The following DLG1 variants were observed in gnomAD, a reference collection of about 807,000 sequenced individuals.
DLG1 encodes disks large homolog 1.
DLG1 carries 42 observed loss-of-function variants against 123.4 expected under a neutral mutation model. The ratio of observed to expected loss-of-function variants is 0.34; its 90% CI spans 0.27 to 0.44. The LOEUF is 0.44. Among genes scored for constraint, DLG1 ranks in the 20% least tolerant of loss-of-function variants. DLG1 has a pLI of 1.00. For missense variants in DLG1, 942 were observed against 1,082.6 expected (o/e 0.87, Z 1.82); for synonymous variants, 317 against 356.2 (o/e 0.89, Z 1.24).
chr3:197,071,562 C>T (rs979354488), intron 18 of DLG1, among the ~76,000 whole-genome samples: 2 of 151,994 alleles, frequency 1.3e-5, no homozygotes, highest in Admixed American at 6.6e-5. Context: ...CTTAGAATAG[C>T]GTCATCATAA....
Position 197,044,358 on chromosome 3 carries a change from T to C in DLG1, c.*265A>G. The C allele has an allele frequency of 3.4e-6, 1 of 291,872 alleles. No individual in the cohort carries two copies. The allele number at this position is 291,872 out of a possible 1,614,324, so 18.1% of individuals were successfully genotyped here. On this transcript the variant is annotated 3_prime_UTR_variant, in exon 25 of 25. Transcript: ENST00000667157. The stretch of plus-strand genomic sequence containing the variant: ...AAACATTAAGGAATTTTACCACAAT[T>C]TCTGCGTCTCCCCACGTTCTTAATA...
intron 4 of DLG1, among the ~76,000 whole-genome samples, chr3:197,276,302 C>T (rs1424948108): frequency 6.6e-6 from 1 of 152,136 alleles, no homozygotes; most frequent in Non-Finnish European, 1.5e-5. Flanking sequence ...TGTACAAATA[C>T]CTTCAATAAT....
intron 8 of DLG1, among the ~76,000 whole-genome samples, chr3:197,138,680 T>C (rs2149629705): frequency 1.3e-5 from 2 of 152,324 alleles, no homozygotes; most frequent in Middle Eastern, 3.4e-3. Flanking sequence ...CCTGCATGCT[T>C]ATTCTGTGTA....
chr3:197,249,389 T>A (rs192411915), intron 4 of DLG1, among the ~76,000 whole-genome samples: 1 of 152,058 alleles, frequency 6.6e-6, no homozygotes. Flanking sequence ...AGTAATGAGA[T>A]TGAAGCCATA....
chr3:197,127,439 A>T (rs1579838447), intron 11 of DLG1, among the ~76,000 whole-genome samples: 1 of 40,232 alleles, frequency 2.5e-5, no homozygotes, highest in African/African-American at 1.1e-4. Context: ...AAAAAAAAAA[A>T]AAAAAAAAAA....
intron 4 of DLG1, among the ~76,000 whole-genome samples, chr3:197,252,968 TA>T (rs934321104): frequency 4.7e-4 from 72 of 152,286 alleles, no homozygotes; most frequent in African/African-American, 1.5e-3. Context: ...CAAAATGGAT[TA>T]TGAACTTAAT....
intron 3 of DLG1, among the ~76,000 whole-genome samples, chr3:197,287,150 G>A (rs941064392): frequency 3.3e-5 from 5 of 151,848 alleles, no homozygotes; most frequent in East Asian, 3.9e-4. Context: ...GATTACATGC[G>A]TTGAGCCACC....
chr3:197,131,584 C>CTTTTTTTTT (rs773487577), intron 10 of DLG1, among the ~76,000 whole-genome samples: 1 of 65,768 alleles, frequency 1.5e-5, no homozygotes, highest in African/African-American at 5.2e-5. Flanking sequence ...TTCTTCCTTT[C>CTTTTTTTTT]TTTTTTTTTT....
chr3:197,297,941 G>A (rs1778320508), intron 1 of DLG1: 2 of 982,874 alleles, frequency 2.0e-6, no homozygotes, highest in Middle Eastern at 5.2e-4. Flanking sequence ...AAGGGACGGG[G>A]GAGGAGCTCC....
At chr3:197,240,276 C>T (rs562905833) in intron 4 of DLG1, among the ~76,000 whole-genome samples, 1 of 152,192 alleles carries the variant, frequency 6.6e-6, no homozygotes, top group Non-Finnish European at 1.5e-5. Flanking sequence ...AGCATTCCCA[C>T]ACTACTGGGA....
At chr3:197,155,118 G>C (rs933023175) in intron 5 of DLG1, among the ~76,000 whole-genome samples, 5 of 152,088 alleles carry the variant, frequency 3.3e-5, no homozygotes, top group African/African-American at 1.2e-4. Context: ...CTCACACTGA[G>C]ACACATTATA....
chr3:197,177,860 C>T (rs1807956050), intron 5 of DLG1, among the ~76,000 whole-genome samples: 2 of 152,056 alleles, frequency 1.3e-5, no homozygotes, highest in Non-Finnish European at 2.9e-5. Context: ...AGTTAGAGAA[C>T]TATTACAATG....
intron 5 of DLG1, among the ~76,000 whole-genome samples, chr3:197,156,712 G>A (rs1394736769): frequency 6.6e-6 from 1 of 152,076 alleles, no homozygotes; most frequent in Admixed American, 6.5e-5. Flanking sequence ...GACAACAAAG[G>A]TATTATACAT....
chr3:197,154,615 C>T (rs1222334828), intron 5 of DLG1, among the ~76,000 whole-genome samples: 2 of 151,926 alleles, frequency 1.3e-5, no homozygotes, highest in Non-Finnish European at 2.9e-5. Flanking sequence ...GCGGAGCTTG[C>T]AGTCAGCCGA....
intron 5 of DLG1, among the ~76,000 whole-genome samples, chr3:197,155,639 CTT>C (rs920360277): frequency 7.3e-5 from 11 of 150,750 alleles, no homozygotes; most frequent in South Asian, 4.2e-4. Context: ...AAAAAAAAAA[CTT>C]AGCCTAGCCA....
At chr3:197,264,272 TACA>T (rs547634116) in intron 4 of DLG1, among the ~76,000 whole-genome samples, 142 of 152,324 alleles carry the variant, frequency 9.3e-4, no homozygotes, top group African/African-American at 3.3e-3. Context: ...CTTTCTGAAC[TACA>T]ACGTCACTTG....
chr3:197,140,322 C>G lies in DLG1; in HGVS notation c.589-58G>C. 6 of 1,569,632 alleles carry G rather than the reference C, an allele frequency of 3.8e-6. No homozygotes were observed. In the South Asian group the frequency reaches 7.0e-5, roughly 18 times the overall value. On this transcript the variant is annotated intron_variant, in intron 7 of 24. Transcript: ENST00000667157. ...TATGATTTATCTTTATGGACAGGTT[C>G]CTGTCATTAAAGGACGCAGAAACTG...
chr3:197,285,531 T>C (rs1771435938), intron 3 of DLG1, among the ~76,000 whole-genome samples: 1 of 151,946 alleles, frequency 6.6e-6, no homozygotes, highest in Admixed American at 6.6e-5. Context: ...AAAGGACTAA[T>C]ATTCAAGTGG....
intron 5 of DLG1, among the ~76,000 whole-genome samples, chr3:197,179,539 A>T (rs1175552045): frequency 6.6e-6 from 1 of 152,224 alleles, no homozygotes. Context: ...GCGCTATCCT[A>T]GGTGCAATAA....
Sources: gnomAD v4.1 joint callset for allele counts (sites outside exome capture counted in the v4.1 genomes callset) on GRCh38, gnomAD v4.1.1 for gene constraint, MANE v1.5 for transcripts, NCBI Gene and HGNC (gene_info 2026-07-23, HGNC 2026-07-21) for gene names.